Variants in SIK3 observed in about 807,000 individuals in gnomAD.
The protein encoded by SIK3 is SIK family kinase 3.
Under a neutral mutation model 144.2 loss-of-function variants are expected in SIK3, and 28 were observed. That is an observed-to-expected ratio of 0.19 (90% confidence interval 0.14 to 0.27). The LOEUF (loss-of-function observed/expected upper bound fraction) is 0.27, where lower values mean the gene tolerates loss of function less well. Among genes scored for constraint, SIK3 ranks in the 10% least tolerant of loss-of-function variants. The pLI, the probability that SIK3 is intolerant of heterozygous loss-of-function variation, is 1.00. For synonymous variants in SIK3, 686 were observed against 676.3 expected (o/e 1.01, Z -0.22); for missense variants, 1,319 against 1,776.0 (o/e 0.74, Z 4.62).
At position 117,081,399 on chromosome 11, in the gene SIK3, G is replaced by A. The variant is rs544883605; in HGVS notation, c.273+16744C>T. 1.6e-4 allele frequency among the ~76,000 whole-genome samples: 25 copies of A among 152,242 alleles called. 1 individual carries two copies. The South Asian group carries it at 4.1e-3, about 25-fold the overall frequency. On this transcript the variant is annotated intron_variant, in intron 1 of 24. Transcript: ENST00000445177. ...AGCACTTTGGAAGGCCGAGGCAGGC[G>A]GATCACAAGGTCAGGAGATCAAGAC... is the stretch of plus-strand genomic sequence containing the variant.
intron 1 of SIK3, among the ~76,000 whole-genome samples, chr11:116,958,886 A>G (rs1949240837): frequency 6.6e-6 from 1 of 152,228 alleles, no homozygotes; most frequent in Non-Finnish European, 1.5e-5. Flanking sequence ...GACAGCTCCC[A>G]AAACAACAAC....
intron 1 of SIK3, among the ~76,000 whole-genome samples, chr11:117,025,588 C>T (rs1236361610): frequency 6.6e-6 from 1 of 152,036 alleles, no homozygotes; most frequent in African/African-American, 2.4e-5. Context: ...TTCACCACAC[C>T]CAGCTACTTT....
At chr11:116,963,326 T>C (rs1949413796) in intron 1 of SIK3, among the ~76,000 whole-genome samples, 2 of 152,200 alleles carry the variant, frequency 1.3e-5, no homozygotes, top group African/African-American at 4.8e-5. Context: ...GGACTCCTTC[T>C]CTTAAAAGTT....
In SIK3 at chr11:116,958,632, T is replaced by G. The variant is rs139658578; in HGVS notation, c.274-1568A>C. 9.2e-5 allele frequency among the ~76,000 whole-genome samples: 14 copies of G among 152,038 alleles called. No homozygotes were observed. The East Asian group carries it at 2.7e-3, about 29-fold the overall frequency. On this transcript the variant is annotated intron_variant, in intron 1 of 24. Transcript: ENST00000445177. Reference sequence around the variant, plus strand: ...TGACCTTCACCTACAGGAGAAGAGGTAGAAAAAGTCTGGGAAAGACTTGAC... The same window carrying G: ...TGACCTTCACCTACAGGAGAAGAGGGAGAAAAAGTCTGGGAAAGACTTGAC...
chr11:117,021,052 G>A (rs945579137), intron 1 of SIK3, among the ~76,000 whole-genome samples: 2 of 152,214 alleles, frequency 1.3e-5, no homozygotes, highest in African/African-American at 4.8e-5. Flanking sequence ...GAACTGAACT[G>A]CATTAGAGGA....
At chr11:116,949,129 G>A (rs1274994227) in intron 3 of SIK3, among the ~76,000 whole-genome samples, 1 of 152,092 alleles carries the variant, frequency 6.6e-6, no homozygotes, top group African/African-American at 2.4e-5. Flanking sequence ...ATTTATAGCT[G>A]TAAAATGCCC....
intron 1 of SIK3, among the ~76,000 whole-genome samples, chr11:117,073,822 A>G (rs1389944379): frequency 6.6e-6 from 1 of 152,230 alleles, no homozygotes; most frequent in African/African-American, 2.4e-5. Context: ...ATTGACTAAC[A>G]TTACAGTTAT....
intron 1 of SIK3, among the ~76,000 whole-genome samples, chr11:117,073,790 C>T (rs1007215888): frequency 1.8e-4 from 27 of 152,216 alleles, no homozygotes; most frequent in African/African-American, 5.3e-4. Context: ...GGCTGTTTCT[C>T]AGTCCTCAGT....
chr11:116,944,580 G>A (rs1948484608), intron 3 of SIK3, among the ~76,000 whole-genome samples: 1 of 152,168 alleles, frequency 6.6e-6, no homozygotes, highest in South Asian at 2.1e-4. Context: ...ATCAATACCA[G>A]GAGTGTAACA....
At chr11:117,060,222 C>T (rs1953731334) in intron 1 of SIK3, among the ~76,000 whole-genome samples, 1 of 152,128 alleles carries the variant, frequency 6.6e-6, no homozygotes, top group Non-Finnish European at 1.5e-5. Context: ...ATGCACTTTA[C>T]TAAGTGAAAA....
intron 6 of SIK3, among the ~76,000 whole-genome samples, chr11:116,887,387 C>A (rs561625660): frequency 6.6e-6 from 1 of 151,784 alleles, no homozygotes; most frequent in Non-Finnish European, 1.5e-5. Context: ...GAAGCCGAGG[C>A]GGGCAGATCA....
chr11:117,058,112 C>A lies in SIK3; in HGVS notation c.273+40031G>T, dbSNP rs190792050. Among the ~76,000 whole-genome samples the A allele has an allele frequency of 8.5e-4, 130 of 152,212 alleles. 1 individual carries two copies. The highest frequency in any genetic ancestry group is 3.1e-3 in the East Asian group (16 of 5,184). On this transcript the variant is annotated intron_variant, in intron 1 of 24. Coordinates refer to ENST00000445177, the MANE Select transcript of SIK3 (RefSeq NM_001366686.3). ...AGCAGAGAAAAGAGCATATACAAAG[C>A]CCTGTGCTAAGAATGAGCTTGGCAT...
intron 1 of SIK3, among the ~76,000 whole-genome samples, chr11:117,027,299 C>G (rs535176356): frequency 2.0e-5 from 3 of 152,288 alleles, no homozygotes; most frequent in Admixed American, 6.5e-5. Context: ...CACTGCTGAT[C>G]GTTAGAAAAG....
intron 6 of SIK3, among the ~76,000 whole-genome samples, chr11:116,877,270 T>C (rs1426393202): frequency 6.6e-6 from 1 of 152,232 alleles, no homozygotes; most frequent in Non-Finnish European, 1.5e-5. Context: ...GTCTGGTTGT[T>C]GCCTTCACCA....
chr11:116,961,576 A>T (rs1251160243), intron 1 of SIK3, among the ~76,000 whole-genome samples: 1 of 152,200 alleles, frequency 6.6e-6, no homozygotes. Context: ...ACTCTCAAAG[A>T]ATGTTATTAT....
intron 1 of SIK3, among the ~76,000 whole-genome samples, chr11:116,974,534 G>C (rs1391640697): frequency 1.3e-5 from 2 of 152,040 alleles, no homozygotes; most frequent in Admixed American, 1.3e-4. Flanking sequence ...GGGCCTACAG[G>C]CATGTGCCAC....
chr11:117,072,584 G>T (rs12278817), intron 1 of SIK3, among the ~76,000 whole-genome samples: 1 of 152,006 alleles, frequency 6.6e-6, no homozygotes, highest in African/African-American at 2.4e-5. Context: ...CATACCACTC[G>T]CTAATACATA....
intron 1 of SIK3, among the ~76,000 whole-genome samples, chr11:117,022,686 C>T (rs562456361): frequency 1.1e-4 from 16 of 152,246 alleles, no homozygotes; most frequent in East Asian, 3.9e-4. Context: ...TAGAAAGTCA[C>T]CCTGTGATAT....
At chr11:116,928,336 A>G (rs2135141140) in intron 3 of SIK3, among the ~76,000 whole-genome samples, 1 of 152,344 alleles carries the variant, frequency 6.6e-6, no homozygotes, top group Non-Finnish European at 1.5e-5. Flanking sequence ...CAGCTATGAT[A>G]CAGTTGTTCT....
Sources: gnomAD v4.1 joint callset for allele counts (sites outside exome capture counted in the v4.1 genomes callset) on GRCh38, gnomAD v4.1.1 for gene constraint, MANE v1.5 for transcripts, NCBI Gene and HGNC (gene_info 2026-07-23, HGNC 2026-07-21) for gene names.